PCDHGA5: variants seen among roughly 807,000 people sequenced by gnomAD.
PCDHGA5 encodes the protein protocadherin gamma-A5.
A neutral mutation model predicts 56.7 loss-of-function variants in PCDHGA5; 36 were observed. The ratio of observed to expected loss-of-function variants is 0.64; its 90% CI spans 0.49 to 0.84. The LOEUF is 0.84. Among genes scored for constraint, PCDHGA5 ranks in the 40% least tolerant of loss-of-function variants. The pLI, the probability that PCDHGA5 is intolerant of heterozygous loss-of-function variation, is 0.00. For synonymous variants in PCDHGA5, 563 were observed against 520.2 expected, an observed-to-expected ratio of 1.08 and a Z score of -1.12; for missense variants, 1,305 against 1,201.5, an observed-to-expected ratio of 1.09 and a Z score of -1.27.
At chr5:141,397,225 T>C (rs2093492124) in intron 1 of PCDHGA5, among the ~76,000 whole-genome samples, 1 of 151,338 alleles carries the variant, frequency 6.6e-6, no homozygotes, top group Non-Finnish European at 1.5e-5. Context: ...TTTTGAGATA[T>C]GAAGAAGAGC....
chr5:141,490,978 C>T lies in PCDHGA5; in HGVS notation c.2422-3829C>T. 6.2e-7 allele frequency: 1 copy of T among 1,614,100 alleles called. No individual in the cohort carries two copies. Among genetic ancestry groups the T allele is most frequent in the Non-Finnish European group, 8.5e-7 (1 of 1,180,034 alleles). ...GGAACACTCAGCCCCCCAGCGTCTC[C>T]CTCGCTCTGCTCCTCCTGGCTCCTT... is the stretch of plus-strand genomic sequence containing the variant. On this transcript the variant is annotated intron_variant, in intron 1 of 3. Coordinates refer to ENST00000518069, the MANE Select transcript of PCDHGA5 (RefSeq NM_018918.3). The surrounding 1 kb of genome is among the most constrained non-coding windows in gnomAD (Gnocchi z 5.4).
In PCDHGA5 at chr5:141,482,843, G is replaced by T. The variant is rs1005014887; in HGVS notation, c.2422-11964G>T. On this transcript the variant is annotated intron_variant, in intron 1 of 3. Transcript: ENST00000518069. ...TCCTAGCACTTTGGGAGGCCAAGGT[G>T]GGCAGATCACTTGAGGTCAGGAGTT... Among the ~76,000 whole-genome samples the T allele has an allele frequency of 4.3e-5, 6 of 140,152 alleles. No homozygotes were observed. The South Asian group carries it at 8.6e-4, about 20-fold the overall frequency. 91.9% of individuals were successfully genotyped at this position (140,152 alleles called of 152,430 possible).
rs2099394923 is a variant in PCDHGA5 at position 141,476,611 on chromosome 5, A to G, written c.2422-18196A>G. On this transcript the variant is annotated intron_variant, in intron 1 of 3. Coordinates refer to ENST00000518069, the MANE Select transcript of PCDHGA5 (RefSeq NM_018918.3). The surrounding 1 kb of genome is among the most constrained non-coding windows in gnomAD (Gnocchi z 7.6). ...AGAGCGCGCACGATCCCGATGTGGG[A>G]AGCAACTCTTTACAAACCTATGAGC... 6.2e-7 allele frequency: 1 copy of G among 1,614,092 alleles called. No individual in the cohort carries two copies. Among genetic ancestry groups the G allele is most frequent in the Non-Finnish European group, 8.5e-7 (1 of 1,180,042 alleles).
intron 1 of PCDHGA5, among the ~76,000 whole-genome samples, chr5:141,468,198 G>A (rs992118435): frequency 9.2e-5 from 14 of 151,854 alleles, no homozygotes; most frequent in Admixed American, 7.2e-4. Context: ...GGTGGCGGGT[G>A]CCTGTAATTC....
At chr5:141,448,924 G>A (rs1244728418) in intron 1 of PCDHGA5, among the ~76,000 whole-genome samples, 1 of 152,116 alleles carries the variant, frequency 6.6e-6, no homozygotes, top group East Asian at 1.9e-4. Flanking sequence ...CAGCCTGGGC[G>A]ACAGAGCAAG....
chr5:141,393,776 C>G, intron 1 of PCDHGA5: 1 of 1,613,714 alleles, frequency 6.2e-7, no homozygotes, highest in Admixed American at 1.7e-5. Flanking sequence ...AAATACAAGC[C>G]GAAGATGTGG....
intron 2 of PCDHGA5, among the ~76,000 whole-genome samples, chr5:141,504,713 G>A (rs1443171981): frequency 1.3e-5 from 2 of 151,850 alleles, no homozygotes; most frequent in African/African-American, 2.4e-5. Context: ...TATGGCCGTG[G>A]ATTTTACTCT....
At chr5:141,399,624 T>C (rs1006867896) in intron 1 of PCDHGA5, 9 of 1,613,898 alleles carry the variant, frequency 5.6e-6, no homozygotes, top group African/African-American at 4.0e-5. Flanking sequence ...CACTGGCCTC[T>C]TACGTGTCCA....
At chr5:141,452,538 G>T (rs1330051133) in intron 1 of PCDHGA5, among the ~76,000 whole-genome samples, 1 of 152,148 alleles carries the variant, frequency 6.6e-6, no homozygotes, top group Non-Finnish European at 1.5e-5. Flanking sequence ...AGTTCATATT[G>T]ATACCTCCAG....
chr5:141,451,001 A>T (rs909477017), intron 1 of PCDHGA5, among the ~76,000 whole-genome samples: 2 of 148,266 alleles, frequency 1.3e-5, no homozygotes, highest in Middle Eastern at 3.4e-3. Context: ...ATTTTTTTGT[A>T]TTTTTTTTAG....
At chr5:141,429,735 T>C (rs911956546) in intron 1 of PCDHGA5, among the ~76,000 whole-genome samples, 1 of 152,202 alleles carries the variant, frequency 6.6e-6, no homozygotes. Flanking sequence ...ACGTAGCCAG[T>C]TATTTCTTAG....
chr5:141,392,879 G>C, intron 1 of PCDHGA5: 1 of 1,613,512 alleles, frequency 6.2e-7, no homozygotes, highest in Non-Finnish European at 8.5e-7. Context: ...TGCTGGGAAC[G>C]CTGTGGGAAA....
At position 141,477,626 on chromosome 5, in the gene PCDHGA5, G is replaced by A. The variant is rs201987467; in HGVS notation, c.2422-17181G>A. The A allele has an allele frequency of 1.9e-5, 31 of 1,614,052 alleles. No individual in the cohort carries two copies. The highest frequency in any genetic ancestry group is 2.5e-5 in the Non-Finnish European group (30 of 1,180,044). Reference sequence around the variant, plus strand: ...TCTCTTGGAGCAAGGAGCTGAAACCGGGCTAGTGGGTCGCTATTTCACAAT... The same window carrying A: ...TCTCTTGGAGCAAGGAGCTGAAACCAGGCTAGTGGGTCGCTATTTCACAAT... On this transcript the variant is annotated intron_variant, in intron 1 of 3. Transcript: ENST00000518069. This position sits in a 1 kb window ranked among gnomAD's most constrained non-coding sequence, Gnocchi z 4.9.
intron 2 of PCDHGA5, among the ~76,000 whole-genome samples, chr5:141,501,966 C>A (rs1046026111): frequency 1.3e-5 from 2 of 152,118 alleles, no homozygotes; most frequent in African/African-American, 4.8e-5. Context: ...ATCCTCCTAA[C>A]CTCTGGCATC....
intron 3 of PCDHGA5, among the ~76,000 whole-genome samples, chr5:141,506,011 C>T (rs1209221520): frequency 6.6e-6 from 1 of 152,204 alleles, no homozygotes; most frequent in Non-Finnish European, 1.5e-5. Flanking sequence ...TCCTCTTTTG[C>T]TGCCCCTAAC....
chr5:141,389,487 C>T (rs997165354), intron 1 of PCDHGA5: 2 of 1,612,906 alleles, frequency 1.2e-6, no homozygotes, highest in African/African-American at 1.3e-5. Context: ...GGCCCGCGAC[C>T]AGGGCTCGCC....
Position 141,410,173 on chromosome 5 carries a change from C to G in PCDHGA5, c.2421+43422C>G, listed in dbSNP as rs544938164. ...GTGGACAGCCGCCACTCTCTGCCACCGCCACGCTTCATCTGGTCTTCGCAG... is the reference window on the plus strand; with the variant it reads ...GTGGACAGCCGCCACTCTCTGCCACGGCCACGCTTCATCTGGTCTTCGCAG... On this transcript the variant is annotated intron_variant, in intron 1 of 3. Coordinates refer to ENST00000518069, the MANE Select transcript of PCDHGA5 (RefSeq NM_018918.3). The G allele has an allele frequency of 6.2e-6, 10 of 1,613,842 alleles. No individual in the cohort carries two copies. The African/African-American group carries it at 9.3e-5, about 15-fold the overall frequency.
chr5:141,408,717 T>C lies in PCDHGA5; in HGVS notation c.2421+41966T>C, dbSNP rs774691298. ...ATAAACTCAATTAAAGATTATAAGA[T>C]AAACTCTAATCCTTATTTTTCATTA... is the stretch of plus-strand genomic sequence containing the variant. On this transcript the variant is annotated intron_variant, in intron 1 of 3. Transcript: ENST00000518069. The C allele has an allele frequency of 1.9e-6, 3 of 1,611,662 alleles. No individual in the cohort carries two copies. In the South Asian group the frequency reaches 3.3e-5, roughly 18 times the overall value.
At chr5:141,471,802 A>G (rs2154571076) in intron 1 of PCDHGA5, among the ~76,000 whole-genome samples, 1 of 152,362 alleles carries the variant, frequency 6.6e-6, no homozygotes, top group African/African-American at 2.4e-5. Context: ...TATAAAAGAC[A>G]TATAAAAGAC....
Sources: allele counts gnomAD v4.1 joint callset (sites outside exome capture counted in the v4.1 genomes callset), GRCh38; gene constraint gnomAD v4.1.1; non-coding constraint Gnocchi (gnomAD v3.1); transcripts MANE v1.5; gene names NCBI Gene and HGNC (gene_info 2026-07-23, HGNC 2026-07-21).